WDFY3: variants seen among roughly 807,000 people sequenced by gnomAD.
WDFY3 encodes WD repeat and FYVE domain containing 3, also known as WD repeat and FYVE domain-containing protein 3.
In WDFY3, 66 loss-of-function variants were observed where a neutral mutation model predicts 409.6. The ratio of observed to expected loss-of-function variants is 0.16; its 90% confidence interval spans 0.13 to 0.20. The LOEUF (loss-of-function observed/expected upper bound fraction) is 0.20, where lower values mean the gene tolerates loss of function less well. Ranked by LOEUF, WDFY3 falls within the 10% of genes least tolerant of loss-of-function variation. The pLI, the probability that WDFY3 is intolerant of heterozygous loss-of-function variation, is 1.00. For synonymous variants in WDFY3, 1,521 were observed against 1,537.1 expected (o/e 0.99, Z 0.25); for missense variants, 3,031 against 4,298.1 (o/e 0.71, Z 8.24).
In WDFY3 at chr4:84,755,305, A is replaced by T. The variant is rs1741246364; in HGVS notation, c.5520T>A (p.Val1840=). ...TGCGGAGCATTCCCAATAATAAAAA[A>T]ACAGCTTCTGTGCATACGTTATGGA... ...SSIHNVCTEA[V]FLLLGMLRSM... is the part of the protein sequence containing the mutation. The change falls in exon 34 of 68, where the codon GTT becomes GTA. Residue 1840 remains valine, a synonymous_variant. Coordinates refer to ENST00000295888, the MANE Select transcript of WDFY3 (RefSeq NM_014991.6). 4.6e-5 allele frequency: 74 copies of T among 1,613,188 alleles called. No individual in the cohort carries two copies. Among genetic ancestry groups the T allele is most frequent in the Non-Finnish European group, 6.3e-5 (74 of 1,179,814 alleles).
intron 41 of WDFY3, 70 bp downstream of exon 41, chr4:84,737,114 T>C: frequency 6.5e-7 from 1 of 1,531,786 alleles, no homozygotes; most frequent in Non-Finnish European, 9.0e-7. Flanking sequence ...TGTAGTCACA[T>C]ATTTAAAGTA....
chr4:84,808,479 G>T, intron 14 of WDFY3, 62 bp from the exon 15 acceptor site: 1 of 1,451,652 alleles, frequency 6.9e-7, no homozygotes, highest in South Asian at 1.2e-5. Context: ...CACCAGGTTG[G>T]CAGTTGGTTA....
chr4:84,774,680 C>T (rs927549210), intron 29 of WDFY3, 140 bp downstream of exon 29: 33 of 890,598 alleles, frequency 3.7e-5, no homozygotes, highest in South Asian at 1.4e-4. Context: ...GTTTTCCATG[C>T]GTCATAAATA....
rs1725432281 is a variant in WDFY3, at chr4:84,671,465, G to C, written c.*1403C>G. The C allele has an allele frequency of 6.7e-6, 1 of 150,280 alleles. No homozygotes were observed. Among genetic ancestry groups the C allele is most frequent in the South Asian group, 2.1e-4 (1 of 4,776 alleles). 9.3% of individuals were successfully genotyped at this position (150,280 alleles called of 1,614,324 possible). On this transcript the variant is annotated 3_prime_UTR_variant, in exon 68 of 68. Transcript: ENST00000295888. ...AAGTTTCTGAAAATGTTAAAATCTA[G>C]ATTAATTGTTTCATTTTTAATATAT...
intron 37 of WDFY3, 37 bp downstream of exon 37, chr4:84,743,663 T>C: frequency 1.4e-6 from 2 of 1,478,930 alleles, no homozygotes; most frequent in Non-Finnish European, 1.8e-6. Flanking sequence ...AGGAAAGTGA[T>C]TATAGGTATT....
chr4:84,778,477 A>T, intron 27 of WDFY3, 26 bp downstream of exon 27: 1 of 1,533,276 alleles, frequency 6.5e-7, no homozygotes, highest in Non-Finnish European at 8.8e-7. Flanking sequence ...TTGATTATAT[A>T]TTATCAATTA....
chr4:84,823,105 A>G (rs1254687271), intron 10 of WDFY3, among the ~76,000 whole-genome samples: 4 of 152,208 alleles, frequency 2.6e-5, no homozygotes, highest in African/African-American at 9.6e-5. Context: ...CTTATTATAA[A>G]GCTACAGCAA....
rs539137064 is a variant in WDFY3 at position 84,713,086 on chromosome 4, A to C, written c.8042+73T>G. 6.3e-4 allele frequency: 951 copies of C among 1,510,016 alleles called. 1 individual carries two copies. The highest frequency in any genetic ancestry group is 8.0e-4 in the Non-Finnish European group (871 of 1,090,868). The allele number at this position is 1,510,016 out of a possible 1,614,324, so 93.5% of individuals were successfully genotyped here. ...GGAAAAACACTCATCTAAAATGTTA[A>C]ATAATACTGTCCAGATATGAATCAT... is the stretch of plus-strand genomic sequence containing the variant. On this transcript the variant is annotated intron_variant, in intron 51 of 67. Transcript: ENST00000295888.
chr4:84,708,058 T>G (rs762364823), intron 53 of WDFY3, among the ~76,000 whole-genome samples: 1 of 152,232 alleles, frequency 6.6e-6, no homozygotes, highest in Non-Finnish European at 1.5e-5. Context: ...TAGGGCTAAG[T>G]GTCTTTTGTT....
At chr4:84,956,931 T>C (rs1053653949) in intron 1 of WDFY3, among the ~76,000 whole-genome samples, 1 of 150,410 alleles carries the variant, frequency 6.6e-6, no homozygotes, top group Non-Finnish European at 1.5e-5. Flanking sequence ...TCATATATTA[T>C]ACACAAATAT....
intron 44 of WDFY3, among the ~76,000 whole-genome samples, chr4:84,729,797 G>A (rs952314841): frequency 1.3e-5 from 2 of 151,994 alleles, no homozygotes; most frequent in African/African-American, 4.8e-5. Flanking sequence ...GACAAAAAAA[G>A]GAAATGTTAC....
intron 48 of WDFY3, among the ~76,000 whole-genome samples, chr4:84,717,704 C>T (rs1301146926): frequency 6.6e-6 from 1 of 152,170 alleles, no homozygotes; most frequent in Non-Finnish European, 1.5e-5. Context: ...GTCAGTAAAT[C>T]TCTGCTAATG....
chr4:84,739,344 A>G, intron 39 of WDFY3: 2 of 451,388 alleles, frequency 4.4e-6, no homozygotes, highest in Non-Finnish European at 8.0e-6. Flanking sequence ...CAAGATTATT[A>G]CCTTAATATT....
At chr4:84,901,553 T>G (rs1449998715) in intron 2 of WDFY3, among the ~76,000 whole-genome samples, 1 of 152,192 alleles carries the variant, frequency 6.6e-6, no homozygotes, top group Non-Finnish European at 1.5e-5. Flanking sequence ...AATTACCCAG[T>G]TTCAGGTATT....
chr4:84,768,228 C>T (rs1194085894), intron 30 of WDFY3, among the ~76,000 whole-genome samples: 2 of 152,200 alleles, frequency 1.3e-5, no homozygotes, highest in African/African-American at 4.8e-5. Context: ...GTAAGTTATA[C>T]AGAAGATTTA....
intron 49 of WDFY3, among the ~76,000 whole-genome samples, chr4:84,716,332 A>G (rs985813062): frequency 2.0e-5 from 3 of 149,040 alleles, no homozygotes; most frequent in African/African-American, 7.5e-5. Context: ...CCAGCTATGC[A>G]GGAGGCTGAG....
intron 46 of WDFY3, among the ~76,000 whole-genome samples, chr4:84,722,431 T>C (rs1314318969): frequency 6.6e-6 from 1 of 152,100 alleles, no homozygotes; most frequent in African/African-American, 2.4e-5. Flanking sequence ...TCCCACCTAC[T>C]TGGAGGGCTC....
chr4:84,762,386 T>G (rs949856723), intron 32 of WDFY3, among the ~76,000 whole-genome samples: 26 of 148,290 alleles, frequency 1.8e-4, no homozygotes, highest in Non-Finnish European at 3.5e-4. Flanking sequence ...CACTGCATAT[T>G]CTCACTCATA....
At chr4:84,865,621 C>T (rs1761279539) in intron 3 of WDFY3, among the ~76,000 whole-genome samples, 1 of 152,216 alleles carries the variant, frequency 6.6e-6, no homozygotes, top group Non-Finnish European at 1.5e-5. Flanking sequence ...TGACTGCCCC[C>T]CAACCCCAGC....
Sources: allele counts gnomAD v4.1 joint callset (sites outside exome capture counted in the v4.1 genomes callset), GRCh38; gene constraint gnomAD v4.1.1; transcripts MANE v1.5; gene names NCBI Gene and HGNC (gene_info 2026-07-23, HGNC 2026-07-21).